CEP57L1: variants seen among roughly 807,000 people sequenced by gnomAD.
CEP57L1 encodes the protein centrosomal protein CEP57L1.
A neutral mutation model predicts 61.0 loss-of-function variants in CEP57L1; 37 were observed. That is an observed-to-expected ratio of 0.61 (90% CI 0.47 to 0.80). The LOEUF (loss-of-function observed/expected upper bound fraction) is 0.80, where lower values mean the gene tolerates loss of function less well. Ranked by LOEUF, CEP57L1 falls within the 30% of genes least tolerant of loss-of-function variation. The pLI is 0.00. For synonymous variants in CEP57L1, 137 were observed against 162.3 expected, an observed-to-expected ratio of 0.84 and a Z score of 1.19; for missense variants, 422 against 524.7, an observed-to-expected ratio of 0.80 and a Z score of 1.91.
At chr6:109,150,290 A>C (rs1297033703) in intron 4 of CEP57L1, 51 bp downstream of exon 4, 2 of 1,562,546 alleles carry the variant, frequency 1.3e-6, no homozygotes, top group East Asian at 2.3e-5. Context: ...ATGTTTTTGA[A>C]GAATATTTTA....
chr6:109,148,313 C>T (rs1256283651), intron 3 of CEP57L1, among the ~76,000 whole-genome samples: 1 of 151,990 alleles, frequency 6.6e-6, no homozygotes, highest in Non-Finnish European at 1.5e-5. Flanking sequence ...GTTCCCCTTC[C>T]TGTGTCCATG....
At chr6:109,152,636 C>CGTGTGTGTGT (rs59562316) in intron 4 of CEP57L1, among the ~76,000 whole-genome samples, 1 of 145,100 alleles carries the variant, frequency 6.9e-6, no homozygotes, top group African/African-American at 2.5e-5. Flanking sequence ...GATGTGCGTG[C>CGTGTGTGTGT]GTGTGTGTGT....
intron 1 of CEP57L1, among the ~76,000 whole-genome samples, chr6:109,113,842 A>G (rs913075283): frequency 1.3e-5 from 2 of 152,182 alleles, no homozygotes; most frequent in African/African-American, 4.8e-5. Flanking sequence ...TAATAGAATA[A>G]TGAATAAGAT....
chr6:109,110,897 G>T (rs1771528925), intron 1 of CEP57L1, among the ~76,000 whole-genome samples: 1 of 152,082 alleles, frequency 6.6e-6, no homozygotes, highest in Admixed American at 6.6e-5. Context: ...ATCTGTTTTG[G>T]TACCAGTACC....
intron 2 of CEP57L1, 47 bp downstream of exon 2, chr6:109,145,428 A>T: frequency 9.8e-6 from 13 of 1,329,558 alleles, no homozygotes; most frequent in Non-Finnish European, 1.3e-5. Flanking sequence ...ATGCTATAAA[A>T]AACTTTTCAT....
chr6:109,103,287 T>C (rs1770539538), intron 1 of CEP57L1, among the ~76,000 whole-genome samples: 1 of 152,218 alleles, frequency 6.6e-6, no homozygotes, highest in African/African-American at 2.4e-5. Context: ...GTTTTTCTTT[T>C]GGCTTGTTGA....
In CEP57L1 at chr6:109,134,381, C is replaced by G. The variant is rs539552973; in HGVS notation, c.-3-10838C>G. ...TCAACAGCCCTTCATGCTAAAAACT[C>G]TCAATAAATTAGGTATTGATGGGAC... On this transcript the variant is annotated intron_variant, in intron 1 of 10. Transcript: ENST00000517392. Among the ~76,000 whole-genome samples, 12 of 152,264 alleles carry G rather than the reference C, an allele frequency of 7.9e-5. No homozygotes were observed. In the East Asian group the frequency reaches 2.3e-3, roughly 29 times the overall value.
At chr6:109,099,789 C>T (rs1782156128) in intron 1 of CEP57L1, among the ~76,000 whole-genome samples, 1 of 152,136 alleles carries the variant, frequency 6.6e-6, no homozygotes. Context: ...ACCTCGTGAT[C>T]CACCCGCCTC....
chr6:109,132,743 A>T lies in CEP57L1; in HGVS notation c.-3-12476A>T, dbSNP rs540906964. 2.3e-4 allele frequency among the ~76,000 whole-genome samples: 35 copies of T among 152,326 alleles called. No individual in the cohort carries two copies. In the East Asian group the frequency reaches 2.3e-3, roughly 10 times the overall value. Reference sequence around the variant, plus strand: ...TGTGCCAACACTTACTTATGTTCTCATAGTTCTACATCATTTCTAAAATTT... The same window carrying T: ...TGTGCCAACACTTACTTATGTTCTCTTAGTTCTACATCATTTCTAAAATTT... On this transcript the variant is annotated intron_variant, in intron 1 of 10. Coordinates refer to ENST00000517392, the MANE Select transcript of CEP57L1 (RefSeq NM_001271852.3).
intron 1 of CEP57L1, among the ~76,000 whole-genome samples, chr6:109,131,694 T>G (rs201789057): frequency 1.3e-5 from 2 of 151,994 alleles, no homozygotes; most frequent in East Asian, 3.9e-4. Flanking sequence ...AAAAAAAATT[T>G]TTTTAAGTAT....
intron 1 of CEP57L1, among the ~76,000 whole-genome samples, chr6:109,126,224 A>G (rs1773547771): frequency 1.3e-5 from 2 of 152,220 alleles, no homozygotes; most frequent in Non-Finnish European, 1.5e-5. Flanking sequence ...TTATGTTGAG[A>G]TAAGAGACAT....
chr6:109,107,038 A>G (rs888549018), intron 1 of CEP57L1, among the ~76,000 whole-genome samples: 6 of 152,226 alleles, frequency 3.9e-5, no homozygotes, highest in African/African-American at 1.2e-4. Flanking sequence ...CAAATTTCTT[A>G]TACGTTTCAA....
At chr6:109,153,794 C>A in intron 4 of CEP57L1, 39 bp from the exon 5 acceptor site, 1 of 1,217,606 alleles carries the variant, frequency 8.2e-7, no homozygotes, top group Non-Finnish European at 1.2e-6. Context: ...GCATTACTTG[C>A]CAAATTCAGG....
intron 7 of CEP57L1, 59 bp downstream of exon 7, chr6:109,155,936 T>C: frequency 2.6e-6 from 2 of 772,876 alleles, no homozygotes; most frequent in Non-Finnish European, 4.3e-6. Flanking sequence ...TTATATAACC[T>C]CTTAATCCTT....
rs922488370 is a variant in CEP57L1 at position 109,146,800 on chromosome 6, G to A, written c.203G>A (p.Arg68His). ...AAAACTCTTCAGGAAAAAATTCATCGTTTAGAGCTGGAGAGAACACAAGCT... is the reference window on the plus strand; with the variant it reads ...AAAACTCTTCAGGAAAAAATTCATCATTTAGAGCTGGAGAGAACACAAGCT... ...ALKTLQEKIH[R>H]LELERTQAED... The change falls in exon 3 of 11, where the codon CGT becomes CAT. Residue 68 changes from arginine (R) to histidine (H), a missense_variant. Transcript: ENST00000517392. 33 of 1,597,176 alleles carry A rather than the reference G, an allele frequency of 2.1e-5. No individual in the cohort carries two copies. Among genetic ancestry groups the A allele is most frequent in the East Asian group, 4.6e-5 (2 of 43,680 alleles).
chr6:109,142,437 A>C (rs1446156865), intron 1 of CEP57L1, among the ~76,000 whole-genome samples: 3 of 152,078 alleles, frequency 2.0e-5, no homozygotes, highest in African/African-American at 4.8e-5. Flanking sequence ...CAGAGAGGGG[A>C]ACAACATACA....
rs1004580447 is a variant in CEP57L1 at position 109,173,364 on chromosome 6, T to C, written c.*10394T>C. Among the ~76,000 whole-genome samples the C allele has an allele frequency of 2.6e-5, 4 of 151,670 alleles. No individual in the cohort carries two copies. Among genetic ancestry groups the C allele is most frequent in the Non-Finnish European group, 4.4e-5 (3 of 67,960 alleles). On this transcript the variant is annotated 3_prime_UTR_variant, in exon 11 of 11. Transcript: ENST00000517392. Reference sequence around the variant, plus strand: ...TATTCAAGGGTGGCCTATTGAGAGTTTGAGATAAAGAAGAAAGGAATCTTT... The same window carrying C: ...TATTCAAGGGTGGCCTATTGAGAGTCTGAGATAAAGAAGAAAGGAATCTTT...
chr6:109,148,104 C>CT (rs1415755667), intron 3 of CEP57L1, among the ~76,000 whole-genome samples: 1 of 151,140 alleles, frequency 6.6e-6, no homozygotes, highest in Non-Finnish European at 1.5e-5. Flanking sequence ...ATTATTTTGT[C>CT]TTTTTATTTT....
At chr6:109,105,972 G>A (rs749891234) in intron 1 of CEP57L1, 3 of 152,150 alleles carry the variant, frequency 2.0e-5, no homozygotes, top group Non-Finnish European at 4.4e-5. Context: ...AGAGATCTAG[G>A]TTGCACACTC....
Sources: gnomAD v4.1 joint callset for allele counts (sites outside exome capture counted in the v4.1 genomes callset) on GRCh38, gnomAD v4.1.1 for gene constraint, MANE v1.5 for transcripts, NCBI Gene and HGNC (gene_info 2026-07-23, HGNC 2026-07-21) for gene names.